The following PZP variants were observed in gnomAD, a reference collection of about 807,000 sequenced individuals.
PZP encodes the protein pregnancy zone protein.
PZP carries 150 observed loss-of-function variants against 179.8 expected under a neutral mutation model. That is an observed-to-expected ratio of 0.83 (90% CI 0.73 to 0.96). The LOEUF (loss-of-function observed/expected upper bound fraction) is 0.96. Ranked by LOEUF, PZP falls within the 40% of genes least tolerant of loss-of-function variation. PZP has a pLI of 0.00. For missense variants in PZP, 1,689 were observed against 1,764.0 expected, an observed-to-expected ratio of 0.96 and a Z score of 0.76; for synonymous variants, 624 against 652.3, an observed-to-expected ratio of 0.96 and a Z score of 0.66.
rs373039378 is a variant in PZP, at chr12:9,152,868, A to G, written c.4077T>C (p.Asp1359=). 2.5e-6 allele frequency: 4 copies of G among 1,614,148 alleles called. No homozygotes were observed. Among genetic ancestry groups the G allele is most frequent in the Admixed American group, 1.7e-5 (1 of 60,020 alleles). ...GAAAGCTGGTGTGGGCTTTGTGTCCATCGCAAGTTTGGGGCACAGTCTGCA... is the reference window on the plus strand; with the variant it reads ...GAAAGCTGGTGTGGGCTTTGTGTCCGTCGCAAGTTTGGGGCACAGTCTGCA... The part of the protein sequence containing the change: ...LKVQTVPQTC[D]GHKAHTSFQI... The change falls in exon 31 of 36, where the codon GAT becomes GAC. Residue 1359 remains aspartate (D), a synonymous_variant. Transcript: ENST00000261336.
At chr12:9,152,360 C>A in intron 31 of PZP, 50 bp from the exon 32 acceptor site, 1 of 1,374,144 alleles carries the variant, frequency 7.3e-7, no homozygotes, top group Non-Finnish European at 1.0e-6. Context: ...TGAAAGAAAG[C>A]CAAATTTCTG....
At chr12:9,151,092 A>T (rs1375698108) in intron 33 of PZP, among the ~76,000 whole-genome samples, 1 of 152,224 alleles carries the variant, frequency 6.6e-6, no homozygotes. Flanking sequence ...GTTTGGATAC[A>T]TAAAACATTT....
chr12:9,137,062 G>T, the PZP span, among the ~76,000 whole-genome samples: 1 of 151,900 alleles, frequency 6.6e-6, no homozygotes, highest in Non-Finnish European at 1.5e-5. Flanking sequence ...TTTTGTTTTC[G>T]TTGTCTGTGA....
intron 2 of PZP, 63 bp from the exon 3 acceptor site, chr12:9,202,747 A>C (rs1233751078): frequency 7.6e-5 from 112 of 1,470,068 alleles, no homozygotes; most frequent in Non-Finnish European, 3.1e-5. Flanking sequence ...TGCATTCTTC[A>C]GTCATTGCTA....
downstream of PZP, among the ~76,000 whole-genome samples, chr12:9,144,485 C>G (rs1285130808): frequency 6.6e-6 from 1 of 152,130 alleles, no homozygotes; most frequent in African/African-American, 2.4e-5. Flanking sequence ...AGAGCCTCTA[C>G]CCACAACACC....
rs1263350241 is a variant in PZP, at chr12:9,153,305, T to C, written c.3813A>G (p.Gly1271=). The change falls in exon 30 of 36, where the codon GGA becomes GGG. Residue 1271 remains glycine, a synonymous_variant. Transcript: ENST00000261336. ...TCTCAGTTCTGGTGAAAGTGGCTGC[T>C]CCATACCTGGACAGGGCATGGAGAG... ...VVALHALSRY[G]AATFTRTEKT... is the part of the protein sequence containing the mutation. The C allele has an allele frequency of 1.2e-6, 2 of 1,613,936 alleles. No individual in the cohort carries two copies. The highest frequency in any genetic ancestry group is 1.7e-6 in the Non-Finnish European group (2 of 1,179,992).
chr12:9,169,046 C>T, intron 16 of PZP, 72 bp from the exon 17 acceptor site: 1 of 1,101,462 alleles, frequency 9.1e-7, no homozygotes, highest in Non-Finnish European at 1.4e-6. Flanking sequence ...TCCTTAGAGA[C>T]TTCTCTATGT....
chr12:9,158,668 CA>C, intron 25 of PZP, 92 bp from the exon 26 acceptor site: 1 of 1,317,618 alleles, frequency 7.6e-7, no homozygotes, highest in African/African-American at 1.5e-5. Context: ...TCACAGTGTG[CA>C]CCCAAGAAAG....
chr12:9,169,653 A>G, intron 15 of PZP, 62 bp from the exon 16 acceptor site: 1 of 1,403,908 alleles, frequency 7.1e-7, no homozygotes, highest in Non-Finnish European at 9.5e-7. Context: ...AATAGAATGA[A>G]CTGAGAGAAA....
chr12:9,163,989 G>A, intron 20 of PZP, 144 bp downstream of exon 20: 2 of 1,238,758 alleles, frequency 1.6e-6, no homozygotes, highest in Admixed American at 4.9e-5. Context: ...AGTGGGAGGA[G>A]GTCATAGTGG....
chr12:9,138,591 A>G, the PZP span, among the ~76,000 whole-genome samples: 2 of 151,960 alleles, frequency 1.3e-5, no homozygotes, highest in African/African-American at 4.8e-5. Context: ...TTTTAAAAAA[A>G]TGTGTATTAG....
intron 13 of PZP, 56 bp downstream of exon 13, chr12:9,192,137 G>T: frequency 7.0e-7 from 1 of 1,434,926 alleles, no homozygotes; most frequent in South Asian, 1.2e-5. Flanking sequence ...CTGTCACCGA[G>T]GGAAGGGTAA....
chr12:9,192,835 T>C, intron 11 of PZP, 96 bp from the exon 12 acceptor site: 1 of 767,732 alleles, frequency 1.3e-6, no homozygotes, highest in Non-Finnish European at 2.1e-6. Context: ...TCTTCCACTC[T>C]AAAATACACT....
At chr12:9,165,989 G>C (rs1172096126) in intron 18 of PZP, 63 bp downstream of exon 18, 23 of 1,528,142 alleles carry the variant, frequency 1.5e-5, no homozygotes, top group Non-Finnish European at 2.0e-5. Context: ...TCTTAGAATT[G>C]AAAATGTTGG....
At chr12:9,173,896 G>C (rs1175173776) in intron 15 of PZP, among the ~76,000 whole-genome samples, 1 of 152,082 alleles carries the variant, frequency 6.6e-6, no homozygotes, top group Non-Finnish European at 1.5e-5. Flanking sequence ...TTCTACCATA[G>C]GTACAAAGAA....
chr12:9,196,648 G>T lies in PZP; in HGVS notation c.905C>A (p.Thr302Asn), dbSNP rs1462389084. The T allele has an allele frequency of 6.2e-7, 1 of 1,613,554 alleles. No homozygotes were observed. Among genetic ancestry groups the T allele is most frequent in the Non-Finnish European group, 8.5e-7 (1 of 1,179,606 alleles). Residue 302 changes from threonine to asparagine, a missense_variant, in exon 9 of 36, where the codon ACC becomes AAC. Transcript: ENST00000261336. ...CGTATTTGTAATCTGGAGCATTTTG[G>T]TGTGTACTTGTTGGGTGATGCAGCC... ...SNGCITQQVH[T>N]KMLQITNTGF...
At chr12:9,142,110 A>T in the PZP span, among the ~76,000 whole-genome samples, 2 of 152,198 alleles carry the variant, frequency 1.3e-5, no homozygotes, top group South Asian at 4.1e-4. Flanking sequence ...ACTTCAGGAC[A>T]GGAATTTACC....
intron 15 of PZP, among the ~76,000 whole-genome samples, chr12:9,179,328 C>G (rs1388674852): frequency 6.6e-6 from 1 of 152,142 alleles, no homozygotes; most frequent in Non-Finnish European, 1.5e-5. Context: ...TCTCTAAGGA[C>G]AAGGACTGTG....
chr12:9,162,953 C>T (rs933317991), intron 21 of PZP, among the ~76,000 whole-genome samples: 1 of 152,098 alleles, frequency 6.6e-6, no homozygotes, highest in African/African-American at 2.4e-5. Context: ...TCAGACAGGC[C>T]CCATATATGT....
Sources: gnomAD v4.1 joint callset for allele counts (sites outside exome capture counted in the v4.1 genomes callset) on GRCh38, gnomAD v4.1.1 for gene constraint, MANE v1.5 for transcripts, NCBI Gene and HGNC (gene_info 2026-07-23, HGNC 2026-07-21) for gene names.